The following GRM1 variants were observed in gnomAD, a reference collection of about 807,000 sequenced individuals.
GRM1 encodes glutamate metabotropic receptor 1, also known as metabotropic glutamate receptor 1.
Under a neutral mutation model 90.9 loss-of-function variants are expected in GRM1, and 33 were observed. The ratio of observed to expected loss-of-function variants is 0.36; its 90% confidence interval spans 0.28 to 0.49. GRM1 has a LOEUF of 0.49. Among genes scored for constraint, GRM1 ranks in the 20% least tolerant of loss-of-function variants. The probability of loss-of-function intolerance (pLI) is 0.99; values close to 1 mark genes in which losing one functional copy is unlikely to be tolerated. For synonymous variants in GRM1, 700 were observed against 613.2 expected (o/e 1.14, Z -2.09); for missense variants, 1,190 against 1,534.3 (o/e 0.78, Z 3.75).
At chr6:146,065,922 A>T (rs897871836) in intron 1 of GRM1, among the ~76,000 whole-genome samples, 1 of 152,160 alleles carries the variant, frequency 6.6e-6, no homozygotes, top group African/African-American at 2.4e-5. Flanking sequence ...CATGCACATA[A>T]GACAGGCAAG....
intron 7 of GRM1, 77 bp from the exon 8 acceptor site, chr6:146,433,795 T>C: frequency 2.9e-6 from 3 of 1,048,894 alleles, no homozygotes; most frequent in Admixed American, 3.7e-5. Context: ...TGAGCTAGGT[T>C]TGCATATGTT....
intron 2 of GRM1, among the ~76,000 whole-genome samples, chr6:146,187,629 A>T (rs907798846): frequency 6.6e-6 from 1 of 152,048 alleles, no homozygotes; most frequent in African/African-American, 2.4e-5. Flanking sequence ...TATTTCACGG[A>T]CAACAACAAA....
At chr6:146,410,816 A>C (rs80340942) in intron 7 of GRM1, among the ~76,000 whole-genome samples, 2,399 of 152,300 alleles carry the variant, frequency 0.016, 83 homozygotes, top group African/African-American at 0.055. Flanking sequence ...AAAAGGTTTC[A>C]GTAGGGTTGG....
At chr6:146,214,995 A>C (rs1178980134) in intron 2 of GRM1, among the ~76,000 whole-genome samples, 1 of 152,204 alleles carries the variant, frequency 6.6e-6, no homozygotes, top group Non-Finnish European at 1.5e-5. Context: ...TTACTCTGCT[A>C]ACCCAGAAAT....
intron 2 of GRM1, among the ~76,000 whole-genome samples, chr6:146,187,058 AAAG>A (rs1242668811): frequency 6.6e-6 from 1 of 152,184 alleles, no homozygotes; most frequent in Non-Finnish European, 1.5e-5. Context: ...TATGTATTTA[AAAG>A]AAGGAGACCT....
intron 3 of GRM1, among the ~76,000 whole-genome samples, chr6:146,350,124 C>T (rs937018439): frequency 1.3e-5 from 2 of 152,216 alleles, no homozygotes; most frequent in Admixed American, 6.5e-5. Flanking sequence ...TATCCAAGAA[C>T]AGTTCCTGTC....
chr6:146,226,836 A>ATCTC, intron 2 of GRM1, among the ~76,000 whole-genome samples: 1 of 152,212 alleles, frequency 6.6e-6, no homozygotes, highest in Non-Finnish European at 1.5e-5. Context: ...CAAGTCCTAG[A>ATCTC]TGATTCTTTT....
intron 1 of GRM1, among the ~76,000 whole-genome samples, chr6:146,058,292 T>A (rs1775549864): frequency 6.6e-6 from 1 of 152,144 alleles, no homozygotes; most frequent in African/African-American, 2.4e-5. Flanking sequence ...TTGGATTCAG[T>A]CCTAGACCAC....
At chr6:146,093,075 A>G (rs1776764174) in intron 1 of GRM1, among the ~76,000 whole-genome samples, 1 of 152,208 alleles carries the variant, frequency 6.6e-6, no homozygotes, top group African/African-American at 2.4e-5. Flanking sequence ...TTTTAGGTAT[A>G]TGCCTTTTAT....
At chr6:146,036,310 G>T (rs185368755) in intron 1 of GRM1, among the ~76,000 whole-genome samples, 2 of 151,946 alleles carry the variant, frequency 1.3e-5, no homozygotes, top group African/African-American at 4.8e-5. Context: ...GGCACATGCT[G>T]TTCTGATATA....
intron 1 of GRM1, among the ~76,000 whole-genome samples, chr6:146,092,456 A>G (rs1425074229): frequency 3.9e-5 from 6 of 152,060 alleles, no homozygotes; most frequent in Admixed American, 3.9e-4. Flanking sequence ...TTAAAATATT[A>G]ACATTTTTAT....
intron 1 of GRM1, among the ~76,000 whole-genome samples, chr6:146,153,594 G>T (rs984635294): frequency 6.6e-6 from 1 of 152,096 alleles, no homozygotes; most frequent in East Asian, 1.9e-4. Flanking sequence ...ATGAGAACAC[G>T]TGGACATATG....
In GRM1 at chr6:146,175,770, T is replaced by G. The variant is rs1203353955; in HGVS notation, c.950+16173T>G. Reference sequence around the variant, plus strand: ...AAGGAAAAAAAAAAGATGTATATGCTATACCTTACTAGCCAGATGAGAAAG... The same window carrying G: ...AAGGAAAAAAAAAAGATGTATATGCGATACCTTACTAGCCAGATGAGAAAG... On this transcript the variant is annotated intron_variant, in intron 2 of 7. Transcript: ENST00000282753. Among the ~76,000 whole-genome samples the G allele has an allele frequency of 2.0e-5, 3 of 152,162 alleles. No homozygotes were observed. In the East Asian group the frequency reaches 5.8e-4, roughly 29 times the overall value.
chr6:146,327,478 T>A (rs898366658), intron 3 of GRM1, among the ~76,000 whole-genome samples: 5 of 152,218 alleles, frequency 3.3e-5, no homozygotes, highest in Non-Finnish European at 5.9e-5. Flanking sequence ...AACCTCCTCA[T>A]ACAGCCTTCA....
chr6:146,324,836 G>T (rs891530125), intron 3 of GRM1, among the ~76,000 whole-genome samples: 7 of 152,166 alleles, frequency 4.6e-5, no homozygotes, highest in Non-Finnish European at 1.5e-5. Context: ...TGTTGATCTT[G>T]CTGGGAGCTG....
chr6:146,045,972 G>A (rs1031154193), intron 1 of GRM1, among the ~76,000 whole-genome samples: 14 of 151,720 alleles, frequency 9.2e-5, no homozygotes, highest in African/African-American at 1.9e-4. Context: ...TTTAGCGCCC[G>A]TGGGCAGCAA....
chr6:146,214,741 A>C (rs749584653), intron 2 of GRM1, among the ~76,000 whole-genome samples: 3 of 152,174 alleles, frequency 2.0e-5, no homozygotes, highest in Non-Finnish European at 2.9e-5. Flanking sequence ...ATATAGAGGA[A>C]GTCTTCACAG....
At chr6:146,421,462 A>G (rs1397099295) in intron 7 of GRM1, among the ~76,000 whole-genome samples, 1 of 152,162 alleles carries the variant, frequency 6.6e-6, no homozygotes, top group Non-Finnish European at 1.5e-5. Flanking sequence ...ATTATTTACT[A>G]ACACATATGA....
chr6:146,363,209 G>A (rs1250255250), intron 5 of GRM1, among the ~76,000 whole-genome samples: 3 of 152,110 alleles, frequency 2.0e-5, no homozygotes, highest in Non-Finnish European at 4.4e-5. Flanking sequence ...TGATTAAAAT[G>A]TAGCCAAGTT....
Sources: allele counts gnomAD v4.1 joint callset (sites outside exome capture counted in the v4.1 genomes callset), GRCh38; gene constraint gnomAD v4.1.1; transcripts MANE v1.5; gene names NCBI Gene and HGNC (gene_info 2026-07-23, HGNC 2026-07-21).